ASTN2: variants seen among roughly 807,000 people sequenced by gnomAD.
The protein encoded by ASTN2 is astrotactin 2.
A neutral mutation model predicts 139.8 loss-of-function variants in ASTN2; 54 were observed. That is an observed-to-expected ratio of 0.39 (90% CI 0.31 to 0.48). The LOEUF is 0.48. Ranked by LOEUF, ASTN2 falls within the 20% of genes least tolerant of loss-of-function variation. The probability of loss-of-function intolerance (pLI) is 0.95; values close to 1 mark genes in which losing one functional copy is unlikely to be tolerated. For synonymous variants in ASTN2, 756 were observed against 719.5 expected, an observed-to-expected ratio of 1.05 and a Z score of -0.81; for missense variants, 1,565 against 1,725.1, an observed-to-expected ratio of 0.91 and a Z score of 1.64.
intron 13 of ASTN2, among the ~76,000 whole-genome samples, chr9:116,783,264 TCC>T: frequency 4.2e-5 from 1 of 23,956 alleles, no homozygotes; most frequent in Non-Finnish European, 8.0e-5. Context: ...ATAAAATCTT[TCC>T]TTCCTTCCTT....
At chr9:116,609,727 C>T (rs1011767060) in intron 19 of ASTN2, among the ~76,000 whole-genome samples, 20 of 151,158 alleles carry the variant, frequency 1.3e-4, no homozygotes, top group African/African-American at 4.4e-4. Flanking sequence ...ACTTAAATAC[C>T]GAAAAAATAA....
chr9:116,554,873 A>G (rs1356604670), intron 19 of ASTN2, among the ~76,000 whole-genome samples: 2 of 152,220 alleles, frequency 1.3e-5, no homozygotes, highest in Non-Finnish European at 2.9e-5. Flanking sequence ...ACATTAAGTT[A>G]ATAATATCCC....
intron 3 of ASTN2, among the ~76,000 whole-genome samples, chr9:117,185,235 C>T (rs1831168090): frequency 6.6e-6 from 1 of 152,106 alleles, no homozygotes; most frequent in African/African-American, 2.4e-5. Context: ...TGAAAAGAAT[C>T]CTGTGGTGAA....
At position 117,005,656 on chromosome 9, in the gene ASTN2, T is replaced by C. The variant is rs558085666; in HGVS notation, c.1591+2436A>G. On this transcript the variant is annotated intron_variant, in intron 7 of 22. Transcript: ENST00000313400. ...CTAGCAGATGGGCTTCCTGCTTTCTTGTCACTTCCTTTACAGGTATCATTC... is the reference window on the plus strand; with the variant it reads ...CTAGCAGATGGGCTTCCTGCTTTCTCGTCACTTCCTTTACAGGTATCATTC... Among the ~76,000 whole-genome samples the C allele has an allele frequency of 5.3e-5, 8 of 152,290 alleles. No homozygotes were observed. In the South Asian group the frequency reaches 1.0e-3, roughly 20 times the overall value.
rs578074596 is a variant in ASTN2 at position 116,469,340 on chromosome 9, G to A, written c.3497+18019C>T. On this transcript the variant is annotated intron_variant, in intron 20 of 22. Transcript: ENST00000313400. ...TTCCATAGTCCATGATCTATATGAC[G>A]TCATAGAACCAGTTCACCAATTTCA... 6.6e-5 allele frequency among the ~76,000 whole-genome samples: 10 copies of A among 151,880 alleles called. No homozygotes were observed. In the South Asian group the frequency reaches 8.3e-4, roughly 13 times the overall value.
At chr9:117,181,191 T>C (rs1181293997) in intron 3 of ASTN2, 1 of 657,370 alleles carries the variant, frequency 1.5e-6, no homozygotes, top group African/African-American at 1.8e-5. Flanking sequence ...GTTGGCTTAA[T>C]TGGCTGCAGA....
intron 6 of ASTN2, among the ~76,000 whole-genome samples, chr9:117,031,548 A>C (rs889866230): frequency 2.0e-5 from 3 of 152,156 alleles, no homozygotes; most frequent in Admixed American, 1.3e-4. Flanking sequence ...GGAACTTGAA[A>C]CCTAGCAAGA....
At chr9:117,185,040 A>C (rs1038338655) in intron 3 of ASTN2, among the ~76,000 whole-genome samples, 1 of 152,148 alleles carries the variant, frequency 6.6e-6, no homozygotes. Flanking sequence ...GAGGCACTGT[A>C]TGGGCACACG....
At chr9:117,171,347 T>C (rs1354628201) in intron 3 of ASTN2, among the ~76,000 whole-genome samples, 1 of 152,156 alleles carries the variant, frequency 6.6e-6, no homozygotes, top group African/African-American at 2.4e-5. Flanking sequence ...CTGGCCTAGC[T>C]GTGTGACTGC....
intron 3 of ASTN2, among the ~76,000 whole-genome samples, chr9:117,147,237 C>G (rs1189212712): frequency 1.3e-5 from 2 of 152,088 alleles, no homozygotes; most frequent in Admixed American, 6.5e-5. Flanking sequence ...CTGTCATCCT[C>G]AAGACAAGCC....
intron 10 of ASTN2, among the ~76,000 whole-genome samples, chr9:116,920,633 G>A (rs1383067470): frequency 1.3e-5 from 2 of 152,162 alleles, no homozygotes; most frequent in Non-Finnish European, 2.9e-5. Context: ...TACAATGTTG[G>A]CTCCATGAGG....
intron 5 of ASTN2, among the ~76,000 whole-genome samples, chr9:117,062,692 G>T (rs2132690834): frequency 6.6e-6 from 1 of 152,294 alleles, no homozygotes; most frequent in East Asian, 1.9e-4. Context: ...AATGGTGTAA[G>T]TGAGTGTGTG....
chr9:116,794,956 ATGTTTT>A (rs1218149089), intron 13 of ASTN2, among the ~76,000 whole-genome samples: 2 of 151,974 alleles, frequency 1.3e-5, no homozygotes, highest in African/African-American at 4.8e-5. Flanking sequence ...TTATCGTTAA[ATGTTTT>A]TGTTTTTGTT....
chr9:117,154,884 CATT>C (rs1172587889), intron 3 of ASTN2, among the ~76,000 whole-genome samples: 3 of 151,910 alleles, frequency 2.0e-5, no homozygotes, highest in Admixed American at 6.6e-5. Flanking sequence ...ATCATTCACT[CATT>C]GTGTGTTTAG....
At position 116,656,366 on chromosome 9, in the gene ASTN2, G is replaced by A. The variant is rs1858210914; in HGVS notation, c.2807-4573C>T. 2.0e-5 allele frequency among the ~76,000 whole-genome samples: 3 copies of A among 152,178 alleles called. No individual in the cohort carries two copies. In the South Asian group the frequency reaches 6.2e-4, roughly 32 times the overall value. On this transcript the variant is annotated intron_variant, in intron 16 of 22. Coordinates refer to ENST00000313400, the MANE Select transcript of ASTN2 (RefSeq NM_001365068.1). ...TAGTGCTCTAATCAAAAGGTCAACA[G>A]ATGAATAGCTGAGCACTTTTCCAGT...
intron 13 of ASTN2, among the ~76,000 whole-genome samples, chr9:116,771,503 G>A (rs1440996957): frequency 6.6e-6 from 1 of 152,070 alleles, no homozygotes; most frequent in Non-Finnish European, 1.5e-5. Context: ...TACCAAGAGG[G>A]TAGGAACAGC....
At chr9:116,468,858 G>A (rs1240483445) in intron 20 of ASTN2, among the ~76,000 whole-genome samples, 1 of 152,162 alleles carries the variant, frequency 6.6e-6, no homozygotes, top group African/African-American at 2.4e-5. Context: ...TTGAGTAGGG[G>A]TTGCAAATGT....
chr9:116,482,102 G>A (rs1243402485), intron 20 of ASTN2, among the ~76,000 whole-genome samples: 5 of 152,256 alleles, frequency 3.3e-5, no homozygotes, highest in Admixed American at 2.0e-4. Context: ...CGAGGCAGGC[G>A]GATCACAAGG....
chr9:116,677,313 G>GA (rs997118189), intron 16 of ASTN2, among the ~76,000 whole-genome samples: 79 of 149,772 alleles, frequency 5.3e-4, no homozygotes, highest in Admixed American at 2.0e-3. Flanking sequence ...CCCTGTTTTG[G>GA]AAAAAAAAAC....
Sources: gnomAD v4.1 joint callset for allele counts (sites outside exome capture counted in the v4.1 genomes callset) on GRCh38, gnomAD v4.1.1 for gene constraint, MANE v1.5 for transcripts, NCBI Gene and HGNC (gene_info 2026-07-23, HGNC 2026-07-21) for gene names.